The following AP2A2 variants were observed in gnomAD, a reference collection of about 807,000 sequenced individuals.
AP2A2 encodes adaptor related protein complex 2 subunit alpha 2, also known as AP-2 complex subunit alpha-2.
In AP2A2, 32 loss-of-function variants were observed where a neutral mutation model predicts 104.2. The observed-to-expected ratio is 0.31, with a 90% CI of 0.23 to 0.41. AP2A2 has a LOEUF of 0.41. AP2A2 is among the 10% of genes least tolerant of loss of function. The pLI, the probability that AP2A2 is intolerant of heterozygous loss-of-function variation, is 1.00. For missense variants in AP2A2, 912 were observed against 1,261.0 expected (o/e 0.72, Z 4.19); for synonymous variants, 539 against 533.3 (o/e 1.01, Z -0.15).
intron 1 of AP2A2, among the ~76,000 whole-genome samples, chr11:940,095 C>T (rs1853595985): frequency 6.6e-6 from 1 of 151,732 alleles, no homozygotes; most frequent in Admixed American, 6.6e-5. Flanking sequence ...GCTGGAACTA[C>T]AGGTGTGTGC....
chr11:1,006,741 T>C, intron 17 of AP2A2, 124 bp downstream of exon 17: 2 of 745,932 alleles, frequency 2.7e-6, no homozygotes, highest in East Asian at 5.1e-5. Context: ...AGATGCTATA[T>C]GAAAATCAGG....
At position 950,614 on chromosome 11, in the gene AP2A2, A is replaced by C. The variant is rs187212467; in HGVS notation, c.68-8823A>C. Among the ~76,000 whole-genome samples, 272 of 152,252 alleles carry C rather than the reference A, an allele frequency of 1.8e-3. 2 individuals are homozygous for C. Among genetic ancestry groups the C allele is most frequent in the South Asian group, 2.3e-3 (11 of 4,820 alleles). On this transcript the variant is annotated intron_variant, in intron 1 of 21. Transcript: ENST00000448903. The stretch of plus-strand genomic sequence containing the variant: ...GAATATGATTTCCTAGGTGACAACA[A>C]ATGTGCAAATGACAAAAAAAAAGTT...
rs115506999 is a variant in AP2A2, at chr11:980,860, G to A, written c.604-338G>A. Among the ~76,000 whole-genome samples the A allele has an allele frequency of 7.9e-3, 1,202 of 152,368 alleles. 24 individuals carry two copies. Among genetic ancestry groups the A allele is most frequent in the African/African-American group, 0.028 (1,147 of 41,590 alleles). On this transcript the variant is annotated intron_variant, in intron 5 of 21. Coordinates refer to ENST00000448903, the MANE Select transcript of AP2A2 (RefSeq NM_012305.4). ...ACCAGAGGCAGCAAGTGCAGATGAC[G>A]GTGGAGGCCAGGCCAGGAGAGGGCA...
intron 1 of AP2A2, among the ~76,000 whole-genome samples, chr11:955,263 G>T (rs936608355): frequency 6.6e-6 from 1 of 152,184 alleles, no homozygotes; most frequent in East Asian, 1.9e-4. Context: ...TCACCCATGC[G>T]CAGTCCCAGC....
intron 5 of AP2A2, among the ~76,000 whole-genome samples, chr11:980,647 C>T (rs748498222): frequency 3.3e-5 from 5 of 152,222 alleles, no homozygotes; most frequent in Non-Finnish European, 4.4e-5. Flanking sequence ...GGAGGGAGGA[C>T]TCGCGTGCTG....
intron 1 of AP2A2, among the ~76,000 whole-genome samples, chr11:926,870 G>T (rs7479145): frequency 0.55 from 82,798 of 151,890 alleles, 23,681 homozygotes; most frequent in Middle Eastern, 0.72. Context: ...CAGGAAGGCT[G>T]GGCCTGTTAG....
At chr11:954,590 C>T (rs539870315) in intron 1 of AP2A2, among the ~76,000 whole-genome samples, 63 of 151,516 alleles carry the variant, frequency 4.2e-4, no homozygotes, top group African/African-American at 1.2e-3. Context: ...TTGTGTGTGG[C>T]GTGTACATTT....
chr11:935,467 C>T (rs183776337), intron 1 of AP2A2, among the ~76,000 whole-genome samples: 32 of 151,990 alleles, frequency 2.1e-4, no homozygotes, highest in Middle Eastern at 3.4e-3. Flanking sequence ...TGTGCCTGGG[C>T]GGTTTTGAAT....
At chr11:987,475 C>G (rs1320962119) in intron 9 of AP2A2, among the ~76,000 whole-genome samples, 1 of 151,838 alleles carries the variant, frequency 6.6e-6, no homozygotes, top group African/African-American at 2.4e-5. Flanking sequence ...CGGTGAAACC[C>G]CGTCTTTACT....
At chr11:940,989 C>T (rs1249444111) in intron 1 of AP2A2, 6 of 452,128 alleles carry the variant, frequency 1.3e-5, no homozygotes, top group South Asian at 3.1e-5. Flanking sequence ...GCTGCTCTCA[C>T]GAGGCCCCTT....
At chr11:1,010,465 C>A in intron 21 of AP2A2, 83 bp from the exon 22 acceptor site, 3 of 1,170,156 alleles carry the variant, frequency 2.6e-6, no homozygotes, top group Admixed American at 2.0e-5. Context: ...GCATGGCCCA[C>A]AGGGTTCTGC....
At position 977,322 on chromosome 11, in the gene AP2A2, A is replaced by T. The variant is rs114731185; in HGVS notation, c.603+98A>T. The T allele has an allele frequency of 0.087, 127,233 of 1,456,168 alleles. 5,826 individuals carry two copies. The highest frequency in any genetic ancestry group is 0.099 in the South Asian group (7,033 of 71,028). 90.2% of individuals were successfully genotyped at this position (1,456,168 alleles called of 1,614,324 possible). A position where few individuals can be genotyped will look rare whatever the true frequency, so the allele number is the denominator to read the frequency against. The stretch of plus-strand genomic sequence containing the variant: ...GGTGCGCCTTCTCGGGATGCCCAGG[A>T]GAGGCTGTCACAGGGGCTGCTGTGG... On this transcript the variant is annotated intron_variant, in intron 5 of 21. Coordinates refer to ENST00000448903, the MANE Select transcript of AP2A2 (RefSeq NM_012305.4).
At position 1,008,057 on chromosome 11, in the gene AP2A2, G is replaced by T; in HGVS notation, c.2342G>T (p.Gly781Val). ...TKPVDPTVEGGAQVQQVVNIE... is the reference protein window; with the variant it reads ...TKPVDPTVEGVAQVQQVVNIE... ...CCCGTGGACCCGACCGTGGAGGGGGGCGCGCAGGTGCAGCAGGTGGTCAAC... is the reference window on the plus strand; with the variant it reads ...CCCGTGGACCCGACCGTGGAGGGGGTCGCGCAGGTGCAGCAGGTGGTCAAC... Residue 781 changes from glycine (G) to valine (V), a missense_variant, in exon 18 of 22, where the codon GGC (glycine) becomes GTC (valine). Physicochemically the swap from Gly to Val is moderately radical, Grantham distance 109. Around this residue, in one of 7 missense-constraint regions of AP2A2, gnomAD observed 239 missense variants for 329.8 expected, o/e 0.72. Coordinates refer to ENST00000448903, the MANE Select transcript of AP2A2 (RefSeq NM_012305.4). 1 of 1,581,768 alleles carries T rather than the reference G, an allele frequency of 6.3e-7. No homozygotes were observed. The highest frequency in any genetic ancestry group is 8.6e-7 in the Non-Finnish European group (1 of 1,164,690).
intron 2 of AP2A2, among the ~76,000 whole-genome samples, chr11:964,843 A>G (rs1184923393): frequency 1.2e-4 from 15 of 126,774 alleles, no homozygotes; most frequent in Non-Finnish European, 2.4e-4. Flanking sequence ...ATTAAAGGAA[A>G]TAATCCCAGA....
intron 6 of AP2A2, 64 bp downstream of exon 6, chr11:981,363 C>T: frequency 7.5e-7 from 1 of 1,331,810 alleles, no homozygotes; most frequent in Non-Finnish European, 1.1e-6. Flanking sequence ...TATTTATTAG[C>T]TTATTTGTAG....
chr11:981,579 C>T (rs1448530667), intron 6 of AP2A2, among the ~76,000 whole-genome samples: 1 of 152,208 alleles, frequency 6.6e-6, no homozygotes, highest in Non-Finnish European at 1.5e-5. Context: ...GCTGGTGCTT[C>T]GTGGACCCAC....
rs944773789 is a variant in AP2A2 at position 1,009,009 on chromosome 11, G to A, written c.2421-91G>A. 3.7e-5 allele frequency: 40 copies of A among 1,067,894 alleles called. No individual in the cohort carries two copies. In the African/African-American group the frequency reaches 4.6e-4, roughly 12 times the overall value. 66.2% of individuals were successfully genotyped at this position (1,067,894 alleles called of 1,614,324 possible). A position where few individuals can be genotyped will look rare whatever the true frequency, so the allele number is the denominator to read the frequency against. ...CCGCTCTGGTGGGTGGCAGTAGATC[G>A]GGACGCTTCTCACTCCAGGCTCTTT... is the stretch of plus-strand genomic sequence containing the variant. On this transcript the variant is annotated intron_variant, in intron 18 of 21. Coordinates refer to ENST00000448903, the MANE Select transcript of AP2A2 (RefSeq NM_012305.4).
chr11:930,817 G>T (rs1294253145), intron 1 of AP2A2, among the ~76,000 whole-genome samples: 2 of 152,210 alleles, frequency 1.3e-5, no homozygotes, highest in East Asian at 1.9e-4. Context: ...ACTGTGCCTG[G>T]TGCCCTACCT....
intron 1 of AP2A2, among the ~76,000 whole-genome samples, chr11:953,103 G>A (rs551420883): frequency 6.6e-5 from 10 of 152,334 alleles, no homozygotes; most frequent in African/African-American, 2.4e-4. Context: ...TGACTTGAAT[G>A]TGTCAGTCTT....
Sources: allele counts gnomAD v4.1 joint callset (sites outside exome capture counted in the v4.1 genomes callset), GRCh38; gene constraint gnomAD v4.1.1; regional missense constraint gnomAD v4.1.1; transcripts MANE v1.5; gene names NCBI Gene and HGNC (gene_info 2026-07-23, HGNC 2026-07-21).